The following GRIP1 variants were observed in gnomAD, a reference collection of about 807,000 sequenced individuals.
The protein encoded by GRIP1 is glutamate receptor interacting protein 1.
In GRIP1, 45 loss-of-function variants were observed where a neutral mutation model predicts 129.9. The ratio of observed to expected loss-of-function variants is 0.35; its 90% confidence interval spans 0.27 to 0.44. The LOEUF (loss-of-function observed/expected upper bound fraction) is 0.44. Among genes scored for constraint, GRIP1 ranks in the 20% least tolerant of loss-of-function variants. The probability of loss-of-function intolerance (pLI) is 1.00; values close to 1 mark genes in which losing one functional copy is unlikely to be tolerated. For missense variants in GRIP1, 1,196 were observed against 1,396.8 expected, an observed-to-expected ratio of 0.86 and a Z score of 2.29; for synonymous variants, 530 against 520.8, an observed-to-expected ratio of 1.02 and a Z score of -0.24.
intron 1 of GRIP1, among the ~76,000 whole-genome samples, chr12:66,929,367 T>A (rs538435604): frequency 6.6e-6 from 1 of 152,306 alleles, no homozygotes; most frequent in Middle Eastern, 3.4e-3. Flanking sequence ...CTACCATATA[T>A]GACTTGGTTC....
At chr12:66,377,666 A>C (rs1436334607) in intron 20 of GRIP1, among the ~76,000 whole-genome samples, 1 of 136,154 alleles carries the variant, frequency 7.3e-6, no homozygotes, top group Admixed American at 7.2e-5. Flanking sequence ...TGGATTCAGA[A>C]TATCTCTCCT....
At chr12:66,730,585 G>T (rs559611238) in intron 1 of GRIP1, among the ~76,000 whole-genome samples, 1 of 151,404 alleles carries the variant, frequency 6.6e-6, no homozygotes, top group South Asian at 2.1e-4. Flanking sequence ...TTTTCTTAAA[G>T]GTAAGTTACC....
upstream of GRIP1, among the ~76,000 whole-genome samples, chr12:66,806,619 T>C (rs183458703): frequency 3.7e-4 from 56 of 152,014 alleles, no homozygotes; most frequent in Admixed American, 8.5e-4. Context: ...CCCTTTTGCA[T>C]AGAACAACTT....
intron 11 of GRIP1, among the ~76,000 whole-genome samples, chr12:66,452,644 C>T (rs2058840871): frequency 6.6e-6 from 1 of 152,112 alleles, no homozygotes; most frequent in Non-Finnish European, 1.5e-5. Context: ...TCACCATCTA[C>T]ACAAATGGCC....
intron 1 of GRIP1, among the ~76,000 whole-genome samples, chr12:66,912,654 T>C (rs541383487): frequency 1.1e-4 from 16 of 152,250 alleles, no homozygotes; most frequent in African/African-American, 3.8e-4. Context: ...AACAAAAATA[T>C]GCAATAGAAG....
chr12:66,611,396 AT>A (rs1422637432), intron 1 of GRIP1, among the ~76,000 whole-genome samples: 8 of 152,198 alleles, frequency 5.3e-5, no homozygotes, highest in Non-Finnish European at 1.2e-4. Flanking sequence ...TTGAAAAAAG[AT>A]GTTAAATTTA....
chr12:66,413,612 CTGATA>C (rs1220106072), intron 15 of GRIP1, among the ~76,000 whole-genome samples: 14 of 152,184 alleles, frequency 9.2e-5, no homozygotes, highest in Admixed American at 2.0e-4. Context: ...TAGTATCATC[CTGATA>C]CCAAAACCTG....
intron 1 of GRIP1, among the ~76,000 whole-genome samples, chr12:66,713,020 T>G (rs150654395): frequency 7.7e-4 from 117 of 152,100 alleles, no homozygotes; most frequent in Middle Eastern, 3.4e-3. Flanking sequence ...CTCAAAAAAT[T>G]GAAACTTTCA....
chr12:66,482,030 T>C (rs952326789), intron 7 of GRIP1, among the ~76,000 whole-genome samples: 1 of 152,130 alleles, frequency 6.6e-6, no homozygotes, highest in Non-Finnish European at 1.5e-5. Flanking sequence ...CAGACCACCA[T>C]GGCATGTGTA....
chr12:66,406,342 A>C lies in GRIP1; in HGVS notation c.1925T>G (p.Ile642Ser). 6.2e-7 allele frequency: 1 copy of C among 1,614,024 alleles called. No individual in the cohort carries two copies. Among genetic ancestry groups the C allele is most frequent in the Non-Finnish European group, 8.5e-7 (1 of 1,179,880 alleles). ...CACCAGGTCTTCACATTGCTGGAGG[A>C]TCTGAACTGCATCTTCCATGGAACA... ...DNCSMEDAVQ[I>S]LQQCEDLVKL... Residue 642 changes from isoleucine to serine, a missense_variant, in exon 16 of 25, where the codon ATC (isoleucine) becomes AGC (serine). Coordinates refer to ENST00000359742, the MANE Select transcript of GRIP1 (RefSeq NM_001366722.1).
chr12:66,681,268 T>C (rs2034574092), upstream of GRIP1, among the ~76,000 whole-genome samples: 1 of 152,194 alleles, frequency 6.6e-6, no homozygotes. Flanking sequence ...CTTCCATTTC[T>C]GGCCTCGCTA....
chr12:66,457,904 A>T (rs1402929436), intron 9 of GRIP1, among the ~76,000 whole-genome samples: 1 of 152,350 alleles, frequency 6.6e-6, no homozygotes, highest in African/African-American at 2.4e-5. Context: ...TCATGAAATC[A>T]TCTACCTCAC....
intron 1 of GRIP1, among the ~76,000 whole-genome samples, chr12:66,899,499 A>G (rs531306019): frequency 6.6e-6 from 1 of 152,010 alleles, no homozygotes; most frequent in East Asian, 1.9e-4. Context: ...AGTAGCTAGG[A>G]TTACAAATTC....
At chr12:66,366,012 A>C (rs181586103) in intron 23 of GRIP1, among the ~76,000 whole-genome samples, 2 of 152,216 alleles carry the variant, frequency 1.3e-5, no homozygotes, top group Non-Finnish European at 2.9e-5. Flanking sequence ...TAGGAAGCCT[A>C]TGTTCTCTCT....
intron 1 of GRIP1, among the ~76,000 whole-genome samples, chr12:66,772,327 G>A (rs950392018): frequency 6.6e-6 from 1 of 152,244 alleles, no homozygotes; most frequent in African/African-American, 2.4e-5. Context: ...ATAAAACACA[G>A]AGGAATTGTC....
At chr12:66,487,589 T>G (rs1255956437) in intron 7 of GRIP1, among the ~76,000 whole-genome samples, 1 of 152,024 alleles carries the variant, frequency 6.6e-6, no homozygotes, top group Non-Finnish European at 1.5e-5. Context: ...GTCTGCAAAA[T>G]AACCAGCTAG....
rs2062243099 is a variant in GRIP1, at chr12:66,554,310, C to T, written c.137-12360G>A. On this transcript the variant is annotated intron_variant, in intron 2 of 24. Transcript: ENST00000359742. ...CAAAACCTGGGCCAAAACTCACTGCCTTGAAGGGAAGAATCCAATTCTGGC... is the reference window on the plus strand; with the variant it reads ...CAAAACCTGGGCCAAAACTCACTGCTTTGAAGGGAAGAATCCAATTCTGGC... Among the ~76,000 whole-genome samples, 3 of 152,170 alleles carry T rather than the reference C, an allele frequency of 2.0e-5. No homozygotes were observed. The South Asian group carries it at 6.2e-4, about 31-fold the overall frequency.
At chr12:66,695,937 T>C (rs2035141919) in intron 1 of GRIP1, among the ~76,000 whole-genome samples, 1 of 152,016 alleles carries the variant, frequency 6.6e-6, no homozygotes, top group East Asian at 1.9e-4. Flanking sequence ...TTGTGAAGGA[T>C]AACTAAGAGT....
rs150179783 is a variant in GRIP1 at position 66,581,797 on chromosome 12, T to A, written c.136+15050A>T. The stretch of plus-strand genomic sequence containing the variant: ...CAACGAAAAAGAATCCAGGACCAGA[T>A]GGATTCACAGCCGAATTCTACCAGA... On this transcript the variant is annotated intron_variant, in intron 2 of 24. Coordinates refer to ENST00000359742, the MANE Select transcript of GRIP1 (RefSeq NM_001366722.1). Among the ~76,000 whole-genome samples the A allele has an allele frequency of 4.4e-3, 663 of 152,092 alleles. 30 individuals are homozygous for A. The East Asian group carries it at 0.091, about 21-fold the overall frequency.
Sources: allele counts gnomAD v4.1 joint callset (sites outside exome capture counted in the v4.1 genomes callset), GRCh38; gene constraint gnomAD v4.1.1; transcripts MANE v1.5; gene names NCBI Gene and HGNC (gene_info 2026-07-23, HGNC 2026-07-21).